PGAP4: variants seen among roughly 807,000 people sequenced by gnomAD.
The protein encoded by PGAP4 is post-GPI attachment to proteins GalNAc transferase 4.
In PGAP4, 12 loss-of-function variants were observed where a neutral mutation model predicts 28.2. The observed-to-expected ratio is 0.42, with a 90% CI of 0.27 to 0.69. PGAP4 has a LOEUF of 0.69. Among genes scored for constraint, PGAP4 ranks in the 30% least tolerant of loss-of-function variants. PGAP4 has a pLI of 0.22. For synonymous variants in PGAP4, 205 were observed against 211.8 expected (o/e 0.97, Z 0.28); for missense variants, 425 against 513.5 (o/e 0.83, Z 1.67).
rs934285226 is a variant in PGAP4 at position 101,478,799 on chromosome 9, G to T, written c.-77-1630C>A. Among the ~76,000 whole-genome samples, 13 of 152,152 alleles carry T rather than the reference G, an allele frequency of 8.5e-5. No individual in the cohort carries two copies. The South Asian group carries it at 2.1e-3, about 24-fold the overall frequency. Reference sequence around the variant, plus strand: ...ACGGCATGGAACAGATGTCCCTTCCGCTGCCCACCTCCCAGTACCCTCCCA... The same window carrying T: ...ACGGCATGGAACAGATGTCCCTTCCTCTGCCCACCTCCCAGTACCCTCCCA... On this transcript the variant is annotated intron_variant, in intron 1 of 1. Coordinates refer to ENST00000374848, the MANE Select transcript of PGAP4 (RefSeq NM_032342.3).
chr9:101,528,532 C>T (rs28605156), intron 2 of PGAP4, among the ~76,000 whole-genome samples: 92,211 of 151,968 alleles, frequency 0.61, 28,402 homozygotes, highest in East Asian at 0.82. Flanking sequence ...CCATCCCCAA[C>T]GCCTGATGCA....
chr9:101,523,358 G>A (rs907631462), intron 2 of PGAP4, among the ~76,000 whole-genome samples: 7 of 151,768 alleles, frequency 4.6e-5, no homozygotes, highest in African/African-American at 1.5e-4. Flanking sequence ...CTTAGTTTTG[G>A]TCATTTAACA....
chr9:101,491,108 A>T (rs1378154017), upstream of PGAP4, among the ~76,000 whole-genome samples: 1 of 152,110 alleles, frequency 6.6e-6, no homozygotes, highest in East Asian at 1.9e-4. Flanking sequence ...ATATTAGTTA[A>T]TTGTCATACT....
intron 2 of PGAP4, among the ~76,000 whole-genome samples, chr9:101,501,451 T>C (rs1826797783): frequency 6.6e-6 from 1 of 152,112 alleles, no homozygotes; most frequent in Non-Finnish European, 1.5e-5. Flanking sequence ...ACTCCAGTTT[T>C]CTATCAAGTT....
chr9:101,518,145 T>C (rs958659751), intron 2 of PGAP4, among the ~76,000 whole-genome samples: 5 of 152,220 alleles, frequency 3.3e-5, no homozygotes, highest in Admixed American at 2.6e-4. Flanking sequence ...TTTGGTTTTC[T>C]GTTCCTGCGT....
chr9:101,517,031 T>C (rs968931681), intron 2 of PGAP4, among the ~76,000 whole-genome samples: 11 of 152,212 alleles, frequency 7.2e-5, no homozygotes, highest in African/African-American at 2.7e-4. Context: ...ATGTAATTAA[T>C]CACAGTTATA....
intron 2 of PGAP4, among the ~76,000 whole-genome samples, chr9:101,495,177 A>G (rs1402285557): frequency 9.4e-5 from 10 of 106,386 alleles, no homozygotes; most frequent in Non-Finnish European, 1.3e-4. Flanking sequence ...TATATTATAT[A>G]TATTTTTTGT....
chr9:101,509,203 T>C (rs1826875382), intron 2 of PGAP4, among the ~76,000 whole-genome samples: 2 of 152,142 alleles, frequency 1.3e-5, no homozygotes, highest in Non-Finnish European at 2.9e-5. Context: ...AGATAGGTGA[T>C]CACCCACCAG....
chr9:101,527,235 T>A (rs910610701), intron 2 of PGAP4, among the ~76,000 whole-genome samples: 1 of 152,228 alleles, frequency 6.6e-6, no homozygotes, highest in Non-Finnish European at 1.5e-5. Flanking sequence ...TCTAGGTAAC[T>A]GCATTAGTCA....
At chr9:101,487,994 C>T (rs1188495930), upstream of PGAP4, among the ~76,000 whole-genome samples, 1 of 152,154 alleles carries the variant, frequency 6.6e-6, no homozygotes, top group Non-Finnish European at 1.5e-5. Flanking sequence ...TCTAAAAGGT[C>T]TGTTCAGTGG....
At chr9:101,527,257 AG>A (rs1462227131) in intron 2 of PGAP4, among the ~76,000 whole-genome samples, 1 of 152,204 alleles carries the variant, frequency 6.6e-6, no homozygotes, top group African/African-American at 2.4e-5. Flanking sequence ...CAATGTAATC[AG>A]CCTTTTTCTT....
intron 2 of PGAP4, among the ~76,000 whole-genome samples, chr9:101,513,147 A>T (rs922088508): frequency 1.3e-5 from 2 of 152,100 alleles, no homozygotes; most frequent in Non-Finnish European, 2.9e-5. Context: ...TTTATCAAAG[A>T]CACATACAGA....
intron 2 of PGAP4, among the ~76,000 whole-genome samples, chr9:101,502,095 A>T (rs1826808394): frequency 6.6e-6 from 1 of 152,094 alleles, no homozygotes; most frequent in African/African-American, 2.4e-5. Context: ...ATCTCAGGGT[A>T]GGTCATTTCC....
intron 2 of PGAP4, among the ~76,000 whole-genome samples, chr9:101,498,662 T>C (rs1016645202): frequency 8.5e-5 from 13 of 152,102 alleles, no homozygotes; most frequent in Non-Finnish European, 1.8e-4. Context: ...TGCAGGTTTT[T>C]AAAATAATGG....
Position 101,476,875 on chromosome 9 carries a change from C to T in PGAP4, c.218G>A (p.Gly73Asp). Reference protein sequence around the residue: ...QEFLQQSLKEGEAALHYFEEL... With the variant: ...QEFLQQSLKEDEAALHYFEEL... ...CTCAAAATAGTGGAGGGCAGCCTCA[C>T]CCTCTTTCAAGCTTTGCTGCAGGAA... The change falls in exon 2 of 2, where the codon GGT (glycine) becomes GAT (aspartate). Residue 73 changes from glycine (G) to aspartate (D), a missense_variant. Gly to Asp is a moderately conservative substitution (Grantham distance 94). Coordinates refer to ENST00000374848, the MANE Select transcript of PGAP4 (RefSeq NM_032342.3). This position sits in a 1 kb window ranked among gnomAD's most constrained non-coding sequence, Gnocchi z 7.0. 1 of 1,612,102 alleles carries T rather than the reference C, an allele frequency of 6.2e-7. No individual in the cohort carries two copies. Among genetic ancestry groups the T allele is most frequent in the Non-Finnish European group, 8.5e-7 (1 of 1,178,986 alleles).
chr9:101,476,279 G>T lies in PGAP4; in HGVS notation c.814C>A (p.Leu272Met). 1 of 1,614,134 alleles carries T rather than the reference G, an allele frequency of 6.2e-7. No individual in the cohort carries two copies. Among genetic ancestry groups the T allele is most frequent in the Non-Finnish European group, 8.5e-7 (1 of 1,180,014 alleles). The change falls in exon 2 of 2, where the codon CTG (leucine) becomes ATG (methionine). Residue 272 changes from leucine to methionine, a missense_variant. Physicochemically the swap from Leu to Met is conservative, Grantham distance 15. Transcript: ENST00000374848. This position sits in a 1 kb window ranked among gnomAD's most constrained non-coding sequence, Gnocchi z 7.0. ...TATATCCAGGTTAGTAAGGGCCCCA[G>T]CAACATGCCTACACCAACCCATTCC... ...ILEWVGVGML[L>M]GPLLTWIYMR...
chr9:101,477,171 T>G lies in PGAP4; in HGVS notation c.-77-2A>C. On this transcript the variant is annotated splice_acceptor_variant, in intron 1 of 1. Coordinates refer to ENST00000374848, the MANE Select transcript of PGAP4 (RefSeq NM_032342.3). LOFTEE classifies it low-confidence loss of function (5UTR_SPLICE). ...GGCCAGAGTCATCAGAAATCAAACC[T>G]AAAGAGAGAGGAAGTAGGGAATGGT... 6.8e-7 allele frequency: 1 copy of G among 1,468,868 alleles called. No homozygotes were observed. The highest frequency in any genetic ancestry group is 9.0e-7 in the Non-Finnish European group (1 of 1,112,366). 91.0% of individuals were successfully genotyped at this position (1,468,868 alleles called of 1,614,324 possible).
At chr9:101,518,988 T>C (rs1173521851) in intron 2 of PGAP4, among the ~76,000 whole-genome samples, 2 of 152,202 alleles carry the variant, frequency 1.3e-5, no homozygotes, top group African/African-American at 4.8e-5. Context: ...GTTTTTTTGA[T>C]TTTTTGATTA....
chr9:101,511,576 T>C lies in PGAP4; in HGVS notation c.-165+19772A>G, dbSNP rs140453078. ...GTTATATGGTGTTCCCAGGCTTCCT[T>C]AAGGGACCTTTGTTAGGCTCCTTAC... On this transcript the variant is annotated intron_variant, in intron 2 of 3. Transcript: ENST00000374851. Among the ~76,000 whole-genome samples, 338 of 152,312 alleles carry C rather than the reference T, an allele frequency of 2.2e-3. 1 individual carries two copies. The highest frequency in any genetic ancestry group is 7.7e-3 in the African/African-American group (322 of 41,584).
Sources: gnomAD v4.1 joint callset for allele counts (sites outside exome capture counted in the v4.1 genomes callset) on GRCh38, gnomAD v4.1.1 for gene constraint, Gnocchi (gnomAD v3.1) non-coding constraint, MANE v1.5 for transcripts, NCBI Gene and HGNC (gene_info 2026-07-23, HGNC 2026-07-21) for gene names.